C9: variants seen among roughly 807,000 people sequenced by gnomAD.
The protein encoded by C9 is complement component C9.
In C9, 63 loss-of-function variants were observed where a neutral mutation model predicts 65.4. That is an observed-to-expected ratio of 0.96 (90% CI 0.79 to 1.19). C9 has a LOEUF of 1.19. Ranked by LOEUF, C9 falls within the 50% of genes most tolerant of loss-of-function variation. The probability of loss-of-function intolerance (pLI) is 0.00; values close to 1 mark genes in which losing one functional copy is unlikely to be tolerated. For missense variants in C9, 744 were observed against 670.1 expected, an observed-to-expected ratio of 1.11 and a Z score of -1.22; for synonymous variants, 229 against 227.9, an observed-to-expected ratio of 1.00 and a Z score of -0.04.
At chr5:39,327,181 C>G (rs16868619) in intron 5 of C9, among the ~76,000 whole-genome samples, 4,565 of 152,176 alleles carry the variant, frequency 0.03, 214 homozygotes, top group African/African-American at 0.1. Context: ...GATCAGGGAT[C>G]ACTTTGTACT....
chr5:39,342,890 A>G (rs1359714392), intron 1 of C9, among the ~76,000 whole-genome samples: 1 of 152,138 alleles, frequency 6.6e-6, no homozygotes, highest in Admixed American at 6.5e-5. Context: ...CCGTTGGTTC[A>G]CCATTTGAGT....
At chr5:39,343,779 G>A (rs982422115) in intron 1 of C9, among the ~76,000 whole-genome samples, 14 of 152,212 alleles carry the variant, frequency 9.2e-5, no homozygotes, top group African/African-American at 3.4e-4. Flanking sequence ...CCCCCCAGTA[G>A]GGGCAGACTG....
At chr5:39,364,280 A>G in intron 1 of C9, 108 bp downstream of exon 1, 1 of 729,392 alleles carries the variant, frequency 1.4e-6, no homozygotes, top group African/African-American at 1.7e-5. Flanking sequence ...AGGGCTCTGT[A>G]TATTGCCATG....
chr5:39,285,941 C>T (rs955903813), intron 10 of C9, among the ~76,000 whole-genome samples: 23 of 152,038 alleles, frequency 1.5e-4, no homozygotes, highest in Non-Finnish European at 5.9e-5. Context: ...GAAACTAGAA[C>T]ATTCTATGTC....
rs751124706 is a variant in C9 at position 39,311,378 on chromosome 5, C to T, written c.871-1G>A. On this transcript the variant is annotated splice_acceptor_variant, in intron 6 of 10. Coordinates refer to ENST00000263408, the MANE Select transcript of C9 (RefSeq NM_001737.5). LOFTEE classifies it high-confidence loss of function. Reference sequence around the variant, plus strand: ...CTTTCACATGCAGAAACATTTTTTCCTGTGTTGTAGAGCAGATGAAGAAGA... The same window carrying T: ...CTTTCACATGCAGAAACATTTTTTCTTGTGTTGTAGAGCAGATGAAGAAGA... 6.2e-7 allele frequency: 1 copy of T among 1,611,528 alleles called. No individual in the cohort carries two copies. The highest frequency in any genetic ancestry group is 8.5e-7 in the Non-Finnish European group (1 of 1,178,954).
intron 9 of C9, among the ~76,000 whole-genome samples, chr5:39,306,197 TA>T (rs1753372842): frequency 7.0e-6 from 1 of 143,552 alleles, no homozygotes; most frequent in African/African-American, 2.6e-5. Flanking sequence ...ACTTAGTAAA[TA>T]CAATTCTCCT....
At chr5:39,324,407 AG>A (rs933198809) in intron 5 of C9, among the ~76,000 whole-genome samples, 7 of 152,130 alleles carry the variant, frequency 4.6e-5, no homozygotes, top group African/African-American at 1.7e-4. Flanking sequence ...TTTCTGATAG[AG>A]GGGGTGTAAT....
chr5:39,319,120 T>C (rs892765874), intron 5 of C9, among the ~76,000 whole-genome samples: 2 of 151,980 alleles, frequency 1.3e-5, no homozygotes, highest in Non-Finnish European at 2.9e-5. Flanking sequence ...AGGCCTCAGG[T>C]TGATTAATTC....
At chr5:39,334,710 C>G (rs13176373) in intron 4 of C9, among the ~76,000 whole-genome samples, 3 of 149,786 alleles carry the variant, frequency 2.0e-5, no homozygotes, top group South Asian at 2.1e-4. Flanking sequence ...GTCAGCCCCC[C>G]GCCTGGCCAG....
At chr5:39,352,228 T>A (rs1754336024) in intron 1 of C9, among the ~76,000 whole-genome samples, 1 of 152,260 alleles carries the variant, frequency 6.6e-6, no homozygotes, top group African/African-American at 2.4e-5. Flanking sequence ...TTAAATCACC[T>A]TTCACTATGC....
chr5:39,322,189 A>G (rs1024507306), intron 5 of C9, among the ~76,000 whole-genome samples: 16 of 152,168 alleles, frequency 1.1e-4, no homozygotes, highest in Middle Eastern at 3.4e-3. Context: ...AGAAATCAAT[A>G]ACAGGAGAAA....
intron 9 of C9, among the ~76,000 whole-genome samples, chr5:39,304,690 G>C (rs908357854): frequency 2.0e-5 from 3 of 152,134 alleles, no homozygotes; most frequent in Non-Finnish European, 4.4e-5. Flanking sequence ...TCCTTAGGTA[G>C]AATGTTGATA....
At chr5:39,331,899 G>T in intron 4 of C9, 85 bp from the exon 5 acceptor site, 1 of 1,142,576 alleles carries the variant, frequency 8.8e-7, no homozygotes, top group South Asian at 1.2e-5. Context: ...AAGTGAGACA[G>T]CTTCAGTTCA....
chr5:39,313,108 T>G (rs1300545365), intron 6 of C9, among the ~76,000 whole-genome samples: 2 of 152,222 alleles, frequency 1.3e-5, no homozygotes, highest in African/African-American at 4.8e-5. Context: ...CTTAGCTCAT[T>G]ATCATCCAAA....
intron 9 of C9, among the ~76,000 whole-genome samples, chr5:39,297,905 G>T (rs904229446): frequency 6.6e-6 from 1 of 151,574 alleles, no homozygotes; most frequent in African/African-American, 2.4e-5. Flanking sequence ...CTTTTCAAGT[G>T]CACATAGGCA....
intron 4 of C9, among the ~76,000 whole-genome samples, chr5:39,333,554 ATCTCCCTCTCCC>A (rs369529307): frequency 6.9e-5 from 8 of 116,306 alleles, no homozygotes; most frequent in South Asian, 6.7e-4. Flanking sequence ...AAACACTTAT[ATCTCCCTCTCCC>A]TCTCCCTCTC....
At chr5:39,338,730 C>T (rs700213) in intron 4 of C9, among the ~76,000 whole-genome samples, 2,733 of 152,242 alleles carry the variant, frequency 0.018, 86 homozygotes, top group African/African-American at 0.063. Flanking sequence ...TCTTACACAG[C>T]CTTGAAGACT....
intron 5 of C9, among the ~76,000 whole-genome samples, chr5:39,320,755 A>C (rs1753652475): frequency 6.6e-6 from 1 of 152,190 alleles, no homozygotes; most frequent in Admixed American, 6.5e-5. Flanking sequence ...AAGTCATACA[A>C]TAAGGAGAAT....
chr5:39,296,996 C>T (rs1401222129), intron 9 of C9, among the ~76,000 whole-genome samples: 3 of 151,456 alleles, frequency 2.0e-5, no homozygotes, highest in South Asian at 4.1e-4. Flanking sequence ...CAACATCATA[C>T]TGAATGGGAA....
Sources: gnomAD v4.1 joint callset for allele counts (sites outside exome capture counted in the v4.1 genomes callset) on GRCh38, gnomAD v4.1.1 for gene constraint, MANE v1.5 for transcripts, NCBI Gene and HGNC (gene_info 2026-07-23, HGNC 2026-07-21) for gene names.